The following RANBP17 variants were observed in gnomAD, a reference collection of about 807,000 sequenced individuals.
RANBP17 encodes the protein ran-binding protein 17.
Under a neutral mutation model 141.2 loss-of-function variants are expected in RANBP17, and 158 were observed. That is an observed-to-expected ratio of 1.12 (90% CI 0.98 to 1.28). The LOEUF (loss-of-function observed/expected upper bound fraction) is 1.28, where lower values mean the gene tolerates loss of function less well. Ranked by LOEUF, RANBP17 falls within the 50% of genes most tolerant of loss-of-function variation. The pLI is 0.00. For missense variants in RANBP17, 1,438 were observed against 1,290.7 expected, an observed-to-expected ratio of 1.11 and a Z score of -1.75; for synonymous variants, 430 against 450.0, an observed-to-expected ratio of 0.96 and a Z score of 0.56.
At chr5:171,146,708 G>A (rs1180038056) in intron 14 of RANBP17, among the ~76,000 whole-genome samples, 1 of 152,158 alleles carries the variant, frequency 6.6e-6, no homozygotes, top group East Asian at 1.9e-4. Context: ...GGAGCTATGT[G>A]AGCTCAGTCT....
At chr5:171,283,792 C>A (rs1193520020) in intron 25 of RANBP17, among the ~76,000 whole-genome samples, 1 of 152,028 alleles carries the variant, frequency 6.6e-6, no homozygotes, top group African/African-American at 2.4e-5. Flanking sequence ...CTAACTGAGG[C>A]CATTCAAAAG....
chr5:171,299,243 A>C lies in RANBP17; in HGVS notation c.*385A>C, dbSNP rs2914331. On this transcript the variant is annotated 3_prime_UTR_variant, in exon 28 of 28. Transcript: ENST00000523189. ...ATTTGTTGGAGATGCAGCCTTCACC[A>C]TGGATCCTGGATTGAGACGAATGCC... The C allele has an allele frequency of 4.0e-6, 1 of 247,510 alleles. No homozygotes were observed. Among genetic ancestry groups the C allele is most frequent in the Non-Finnish European group, 7.9e-6 (1 of 126,622 alleles). 15.3% of individuals were successfully genotyped at this position (247,510 alleles called of 1,614,324 possible).
At chr5:170,903,629 C>T (rs746658583) in intron 5 of RANBP17, 6 of 255,920 alleles carry the variant, frequency 2.3e-5, no homozygotes, top group Non-Finnish European at 5.1e-5. Flanking sequence ...ATAACTTGAC[C>T]TCATAATGGC....
chr5:171,075,678 C>T (rs1045596021), intron 14 of RANBP17, among the ~76,000 whole-genome samples: 1 of 152,244 alleles, frequency 6.6e-6, no homozygotes, highest in South Asian at 2.1e-4. Flanking sequence ...TTAGGCCAGG[C>T]GTGGTGGCTC....
Position 171,108,063 on chromosome 5 carries a change from T to C in RANBP17, c.1711-62067T>C, listed in dbSNP as rs529458188. 9.4e-4 allele frequency among the ~76,000 whole-genome samples: 143 copies of C among 152,362 alleles called. 2 individuals are homozygous for C. The highest frequency in any genetic ancestry group is 3.4e-3 in the African/African-American group (141 of 41,588). ...AATTATGGTTAGAGTCGATTGATATTCAAAGAAGGCTTATTGGTGATAGAT... is the reference window on the plus strand; with the variant it reads ...AATTATGGTTAGAGTCGATTGATATCCAAAGAAGGCTTATTGGTGATAGAT... On this transcript the variant is annotated intron_variant, in intron 14 of 27. Coordinates refer to ENST00000523189, the MANE Select transcript of RANBP17 (RefSeq NM_022897.5).
chr5:171,275,254 A>G (rs1403844648), intron 25 of RANBP17, among the ~76,000 whole-genome samples: 1 of 152,230 alleles, frequency 6.6e-6, no homozygotes, highest in African/African-American at 2.4e-5. Flanking sequence ...AATTTTTTTA[A>G]TGAAGGAAAA....
intron 18 of RANBP17, among the ~76,000 whole-genome samples, chr5:171,186,432 C>T (rs376368466): frequency 7.1e-4 from 107 of 151,612 alleles, no homozygotes; most frequent in Non-Finnish European, 1.3e-3. Flanking sequence ...TTTTCTTCTG[C>T]AACTTCCTCA....
chr5:171,101,807 A>G (rs1482673736), intron 14 of RANBP17, among the ~76,000 whole-genome samples: 1 of 152,144 alleles, frequency 6.6e-6, no homozygotes, highest in Non-Finnish European at 1.5e-5. Flanking sequence ...AGAATCCCTC[A>G]ATATTTGCTT....
At chr5:171,260,940 G>A (rs569648340) in intron 24 of RANBP17, among the ~76,000 whole-genome samples, 152 of 152,022 alleles carry the variant, frequency 1.0e-3, no homozygotes, top group African/African-American at 3.4e-3. Context: ...TTAATAAAAC[G>A]TATATAAAGA....
chr5:170,984,552 G>A (rs2127555528), intron 14 of RANBP17, among the ~76,000 whole-genome samples: 1 of 152,180 alleles, frequency 6.6e-6, no homozygotes, highest in South Asian at 2.1e-4. Context: ...CTTGAGTCCA[G>A]GAGTTTCAGG....
At chr5:170,894,759 TC>T (rs1227262538) in intron 4 of RANBP17, among the ~76,000 whole-genome samples, 1 of 151,944 alleles carries the variant, frequency 6.6e-6, no homozygotes, top group Non-Finnish European at 1.5e-5. Context: ...ACTCAGGAGA[TC>T]CTACTGTCAT....
At chr5:171,161,665 TAAGCAGTATTAGCTGCA>T (rs1220719652) in intron 14 of RANBP17, among the ~76,000 whole-genome samples, 12 of 152,270 alleles carry the variant, frequency 7.9e-5, no homozygotes, top group African/African-American at 2.9e-4. Flanking sequence ...AGTCCACTAA[TAAGCAGTATTAGCTGCA>T]AAGCCTATAT....
chr5:170,901,798 A>G (rs1770659032), intron 5 of RANBP17, among the ~76,000 whole-genome samples: 1 of 152,216 alleles, frequency 6.6e-6, no homozygotes, highest in Non-Finnish European at 1.5e-5. Context: ...TTGGGTGGAT[A>G]TGAAATTCTG....
chr5:171,238,422 AT>A (rs1012183271), intron 22 of RANBP17, among the ~76,000 whole-genome samples: 3 of 152,064 alleles, frequency 2.0e-5, no homozygotes, highest in Non-Finnish European at 2.9e-5. Context: ...TCCTTTACAG[AT>A]TTTTTTTCCC....
intron 14 of RANBP17, among the ~76,000 whole-genome samples, chr5:171,127,974 C>T (rs1306434711): frequency 6.6e-6 from 1 of 152,066 alleles, no homozygotes; most frequent in East Asian, 1.9e-4. Flanking sequence ...CTGGCTAGCA[C>T]GGTGAAACCC....
intron 27 of RANBP17, among the ~76,000 whole-genome samples, chr5:171,297,539 G>A (rs559436066): frequency 6.6e-6 from 1 of 152,202 alleles, no homozygotes; most frequent in East Asian, 1.9e-4. Context: ...CAAGTCAGTT[G>A]GGGTATGCAG....
intron 14 of RANBP17, among the ~76,000 whole-genome samples, chr5:170,986,841 C>A (rs528846770): frequency 6.6e-5 from 10 of 151,932 alleles, no homozygotes; most frequent in African/African-American, 2.4e-4. Flanking sequence ...ACTGTAATAA[C>A]AGTTACTGTT....
chr5:171,183,119 A>G (rs1481284431), intron 16 of RANBP17, 48 bp from the exon 17 acceptor site: 2 of 992,874 alleles, frequency 2.0e-6, no homozygotes, highest in Non-Finnish European at 3.2e-6. Flanking sequence ...GATTTATTAC[A>G]TACTGATATT....
At chr5:171,157,756 A>C (rs1312643542) in intron 14 of RANBP17, among the ~76,000 whole-genome samples, 4 of 152,236 alleles carry the variant, frequency 2.6e-5, no homozygotes, top group African/African-American at 9.6e-5. Flanking sequence ...TCCATTAGCC[A>C]TAAGTTTTGT....
Sources: allele counts gnomAD v4.1 joint callset (sites outside exome capture counted in the v4.1 genomes callset), GRCh38; gene constraint gnomAD v4.1.1; transcripts MANE v1.5; gene names NCBI Gene and HGNC (gene_info 2026-07-23, HGNC 2026-07-21).